ALK: variants seen among roughly 807,000 people sequenced by gnomAD.
ALK encodes the protein ALK receptor tyrosine kinase.
A neutral mutation model predicts 163.1 loss-of-function variants in ALK; 74 were observed. The observed-to-expected ratio is 0.45, with a 90% confidence interval of 0.38 to 0.55. The LOEUF is 0.55. ALK is among the 20% of genes least tolerant of loss of function. ALK has a pLI of 0.00. For missense variants in ALK, 2,063 were observed against 2,105.3 expected (o/e 0.98, Z 0.39); for synonymous variants, 960 against 843.2 (o/e 1.14, Z -2.40).
chr2:29,751,817 T>C (rs1680373095), intron 1 of ALK, among the ~76,000 whole-genome samples: 1 of 152,216 alleles, frequency 6.6e-6, no homozygotes, highest in African/African-American at 2.4e-5. Flanking sequence ...AGCTCAAGTA[T>C]TCTGTCCTCT....
chr2:29,255,963 G>T lies in ALK; in HGVS notation c.2042-4696C>A, dbSNP rs144293237. Reference sequence around the variant, plus strand: ...AAGGGGTAGGCTCTTGCTTCAAGCAGGAAGAATCTGGCAGGTACTTCAGGT... The same window carrying T: ...AAGGGGTAGGCTCTTGCTTCAAGCATGAAGAATCTGGCAGGTACTTCAGGT... On this transcript the variant is annotated intron_variant, in intron 11 of 28. Transcript: ENST00000389048. Among the ~76,000 whole-genome samples, 978 of 152,274 alleles carry T rather than the reference G, an allele frequency of 6.4e-3. 15 individuals carry two copies. Among genetic ancestry groups the T allele is most frequent in the African/African-American group, 0.022 (929 of 41,550 alleles).
intron 1 of ALK, among the ~76,000 whole-genome samples, chr2:29,742,461 G>A (rs1355996149): frequency 6.6e-6 from 1 of 152,152 alleles, no homozygotes; most frequent in Non-Finnish European, 1.5e-5. Flanking sequence ...CCATGGCTGT[G>A]GGCCTAGTTT....
rs144453491 is a variant in ALK at position 29,275,222 on chromosome 2, C to T, written c.1918G>A (p.Gly640Arg). The T allele has an allele frequency of 4.3e-5, 69 of 1,613,994 alleles. No individual in the cohort carries two copies. The highest frequency in any genetic ancestry group is 2.9e-4 in the African/African-American group (22 of 74,992). ...ISLDCYLTIS[G>R]EDKILQNTAP... ...GTATTCTGCAGGATCTTGTCCTCTC[C>T]GCTAACTGCAATAGAGAAGACCCCA... Residue 640 changes from glycine to arginine, a missense_variant, in exon 11 of 29, where the codon GGA becomes AGA. Around this residue, in one of 5 missense-constraint regions of ALK, gnomAD observed 987 missense variants for 939.5 expected, o/e 1.05. Coordinates refer to ENST00000389048, the MANE Select transcript of ALK (RefSeq NM_004304.5).
intron 1 of ALK, among the ~76,000 whole-genome samples, chr2:29,913,015 C>T (rs1221236571): frequency 6.6e-6 from 1 of 152,190 alleles, no homozygotes; most frequent in African/African-American, 2.4e-5. Flanking sequence ...GCCTAGATTT[C>T]CCTTGTCCTC....
chr2:29,733,166 C>T (rs377749284), intron 1 of ALK, among the ~76,000 whole-genome samples: 10 of 152,118 alleles, frequency 6.6e-5, no homozygotes, highest in African/African-American at 1.9e-4. Context: ...GAAAGCGGGG[C>T]ACTAGGAACA....
At chr2:29,900,410 C>T (rs566489844) in intron 1 of ALK, among the ~76,000 whole-genome samples, 50 of 152,358 alleles carry the variant, frequency 3.3e-4, no homozygotes, top group Admixed American at 3.9e-4. Context: ...CCAGGGAACT[C>T]CTTGGCTTCT....
At chr2:29,380,219 C>T (rs1293986043) in intron 5 of ALK, among the ~76,000 whole-genome samples, 1 of 151,896 alleles carries the variant, frequency 6.6e-6, no homozygotes, top group African/African-American at 2.4e-5. Context: ...GATTCTCCTG[C>T]CTCAGCCTCC....
At chr2:29,832,820 A>T (rs562503306) in intron 1 of ALK, among the ~76,000 whole-genome samples, 17 of 152,368 alleles carry the variant, frequency 1.1e-4, no homozygotes, top group African/African-American at 4.1e-4. Context: ...ATCAAGTAAG[A>T]ATAGAAATAA....
intron 5 of ALK, among the ~76,000 whole-genome samples, chr2:29,362,533 G>C (rs1668410387): frequency 6.6e-6 from 1 of 152,210 alleles, no homozygotes; most frequent in African/African-American, 2.4e-5. Context: ...GAGGGAAGGA[G>C]AGTTTGGAGA....
intron 3 of ALK, among the ~76,000 whole-genome samples, chr2:29,657,993 G>A (rs926485891): frequency 6.6e-6 from 1 of 152,116 alleles, no homozygotes; most frequent in Non-Finnish European, 1.5e-5. Flanking sequence ...ACAGCTGGAG[G>A]GATGGTGGGT....
At chr2:29,402,571 A>G (rs1192047781) in intron 4 of ALK, among the ~76,000 whole-genome samples, 1 of 152,236 alleles carries the variant, frequency 6.6e-6, no homozygotes, top group African/African-American at 2.4e-5. Flanking sequence ...TACACCGTAT[A>G]ATAGGTTTCT....
chr2:29,247,378 G>T (rs771170346), intron 12 of ALK, among the ~76,000 whole-genome samples: 5 of 152,230 alleles, frequency 3.3e-5, no homozygotes, highest in Non-Finnish European at 7.3e-5. Flanking sequence ...AGAGCAGGGG[G>T]AGAATGAAGC....
chr2:29,346,082 T>C (rs2148275160), intron 5 of ALK, among the ~76,000 whole-genome samples: 1 of 152,324 alleles, frequency 6.6e-6, no homozygotes, highest in South Asian at 2.1e-4. Context: ...TAAATTTCTC[T>C]AAAAGAAGCA....
chr2:29,913,627 G>A (rs1034780542), intron 1 of ALK, among the ~76,000 whole-genome samples: 2 of 152,180 alleles, frequency 1.3e-5, no homozygotes, highest in Non-Finnish European at 2.9e-5. Context: ...ATGTTCATGT[G>A]CATCTTTTGG....
At chr2:29,443,741 C>T (rs1242569165) in intron 4 of ALK, among the ~76,000 whole-genome samples, 2 of 152,128 alleles carry the variant, frequency 1.3e-5, no homozygotes, top group East Asian at 1.9e-4. Context: ...ATAACTGGAG[C>T]TCAGGGCCCA....
intron 3 of ALK, among the ~76,000 whole-genome samples, chr2:29,612,314 G>A (rs1675717962): frequency 6.6e-6 from 1 of 152,084 alleles, no homozygotes; most frequent in South Asian, 2.1e-4. Flanking sequence ...TGTGCTTTTA[G>A]CTGTGTGTGT....
At chr2:29,459,667 T>C (rs957108234) in intron 4 of ALK, among the ~76,000 whole-genome samples, 3 of 152,058 alleles carry the variant, frequency 2.0e-5, no homozygotes, top group Non-Finnish European at 2.9e-5. Flanking sequence ...TCCTGGAACT[T>C]ATAAATGAAT....
chr2:29,443,408 T>G (rs1670594264), intron 4 of ALK, among the ~76,000 whole-genome samples: 1 of 152,228 alleles, frequency 6.6e-6, no homozygotes, highest in Non-Finnish European at 1.5e-5. Flanking sequence ...AGAGCTGTTC[T>G]GCTGCCGCCC....
Position 29,320,787 on chromosome 2 carries a change from T to G in ALK, c.1510A>C (p.Arg504=). The G allele has an allele frequency of 6.2e-7, 1 of 1,614,092 alleles. No individual in the cohort carries two copies. The highest frequency in any genetic ancestry group is 8.5e-7 in the Non-Finnish European group (1 of 1,180,002). ...TGGAACCGGGCATCCTTTAGGGTCC[T>G]GACCTGCCATTGAGGAGTGTGGGGT... The part of the protein sequence containing the change: ...LSPHTPQWQV[R]TLKDARFQDH... Residue 504 remains arginine, a synonymous_variant, in exon 7 of 29, where the codon AGG becomes CGG. Transcript: ENST00000389048.
Sources: gnomAD v4.1 joint callset for allele counts (sites outside exome capture counted in the v4.1 genomes callset) on GRCh38, gnomAD v4.1.1 for gene constraint, gnomAD v4.1.1 regional missense constraint, MANE v1.5 for transcripts, NCBI Gene and HGNC (gene_info 2026-07-23, HGNC 2026-07-21) for gene names.